NEK9: variants seen among roughly 807,000 people sequenced by gnomAD.
NEK9 encodes the protein NIMA related kinase 9, also known as serine/threonine-protein kinase Nek9.
A neutral mutation model predicts 123.4 loss-of-function variants in NEK9; 75 were observed. The observed-to-expected ratio is 0.61, with a 90% confidence interval of 0.50 to 0.74. The LOEUF (loss-of-function observed/expected upper bound fraction) is 0.74. Among genes scored for constraint, NEK9 ranks in the 30% least tolerant of loss-of-function variants. The pLI, the probability that NEK9 is intolerant of heterozygous loss-of-function variation, is 0.00. For synonymous variants in NEK9, 438 were observed against 458.7 expected (o/e 0.95, Z 0.58); for missense variants, 952 against 1,214.4 (o/e 0.78, Z 3.21).
In NEK9 at chr14:75,105,984, A is replaced by G; in HGVS notation, c.1541T>C (p.Leu514Ser). 1 of 1,613,704 alleles carries G rather than the reference A, an allele frequency of 6.2e-7. No individual in the cohort carries two copies. The highest frequency in any genetic ancestry group is 8.5e-7 in the Non-Finnish European group (1 of 1,179,582). The change falls in exon 13 of 22, where the codon TTG becomes TCG. Residue 514 changes from leucine (L) to serine (S), a missense_variant. This residue lies in a region of NEK9 where 698 missense variants were observed against 875.6 expected (regional missense o/e 0.80). Coordinates refer to ENST00000238616, the MANE Select transcript of NEK9 (RefSeq NM_033116.6). ...WGCGEYGRLG[L>S]DSEEDYYTPQ... ...TGTATAATAATCCTCTTCTGAATCC[A>G]AACCCAGTCGTCCTGAAACACACAT...
chr14:75,084,913 G>A (rs867601818), intron 21 of NEK9: 11 of 434,420 alleles, frequency 2.5e-5, no homozygotes, highest in East Asian at 8.0e-5. Flanking sequence ...CCAGGACTGC[G>A]GGGTTTCCTG....
intron 2 of NEK9, among the ~76,000 whole-genome samples, chr14:75,123,163 G>A (rs1299855668): frequency 1.3e-5 from 2 of 152,114 alleles, no homozygotes; most frequent in Non-Finnish European, 2.9e-5. Context: ...CACTTTGGGA[G>A]GCGGAGGTGG....
intron 21 of NEK9, 90 bp from the exon 22 acceptor site, chr14:75,084,776 A>G (rs536542639): frequency 3.3e-6 from 5 of 1,536,240 alleles, no homozygotes; most frequent in Non-Finnish European, 4.5e-6. Flanking sequence ...CCAACTTCTA[A>G]GGCATTGGCT....
At chr14:75,118,652 C>T (rs963432663) in intron 5 of NEK9, among the ~76,000 whole-genome samples, 178 bp downstream of exon 5, 3 of 152,148 alleles carry the variant, frequency 2.0e-5, no homozygotes. Context: ...AGAGCTGTAA[C>T]GTGGGCAATG....
At chr14:75,121,801 C>T (rs913368185) in intron 2 of NEK9, among the ~76,000 whole-genome samples, 8 of 152,002 alleles carry the variant, frequency 5.3e-5, no homozygotes, top group African/African-American at 1.2e-4. Context: ...GCCTGGGAGG[C>T]GGAGGTTGCA....
chr14:75,120,697 G>T, intron 3 of NEK9, 117 bp from the exon 4 acceptor site: 1 of 767,998 alleles, frequency 1.3e-6, no homozygotes, highest in South Asian at 1.7e-5. Context: ...GATTCAACAT[G>T]ACTTGACATC....
chr14:75,121,213 C>G, intron 2 of NEK9, 39 bp from the exon 3 acceptor site: 2 of 1,523,210 alleles, frequency 1.3e-6, no homozygotes, highest in Non-Finnish European at 1.8e-6. Flanking sequence ...TTGCTTAATA[C>G]AGATCAAAGC....
intron 15 of NEK9, 134 bp from the exon 16 acceptor site, chr14:75,101,287 G>A (rs1279583953): frequency 1.2e-5 from 11 of 936,436 alleles, no homozygotes; most frequent in South Asian, 5.2e-5. Context: ...ACATGATCCT[G>A]GACCTAGGAC....
Position 75,113,331 on chromosome 14 carries a change from T to C in NEK9, c.938+8A>G. 2 of 1,609,222 alleles carry C rather than the reference T, an allele frequency of 1.2e-6. No homozygotes were observed. The highest frequency in any genetic ancestry group is 8.5e-7 in the Non-Finnish European group (1 of 1,175,670). ...AAAAGACAATGGAGTGACTTCTTCA[T>C]AATTTACCTCCTGCGTTTCCTGAGA... On this transcript the variant is annotated splice_region_variant and intron_variant, in intron 8 of 21. Transcript: ENST00000238616.
At position 75,097,174 on chromosome 14, in the gene NEK9, G is replaced by A; in HGVS notation, c.2099C>T (p.Pro700Leu). The A allele has an allele frequency of 1.9e-6, 3 of 1,613,936 alleles. No homozygotes were observed. The highest frequency in any genetic ancestry group is 2.5e-6 in the Non-Finnish European group (3 of 1,179,894). The change falls in exon 17 of 22, where the codon CCT (proline) becomes CTT (leucine). Residue 700 changes from proline (P) to leucine (L), a missense_variant. Coordinates refer to ENST00000238616, the MANE Select transcript of NEK9 (RefSeq NM_033116.6). ...PHGSDICTSW[P>L]RPIFGSLHHV... The stretch of plus-strand genomic sequence containing the variant: ...ATGCAGAGATCCAAAAATAGGCCGA[G>A]GCCATGAGGTACAGATATCAGAGCC...
rs1273011500 is a variant in NEK9 at position 75,091,440 on chromosome 14, C to T, written c.2272G>A (p.Gly758Ser). The T allele has an allele frequency of 3.7e-6, 6 of 1,606,420 alleles. No individual in the cohort carries two copies. The highest frequency in any genetic ancestry group is 1.3e-5 in the African/African-American group (1 of 74,760). The change falls in exon 19 of 22, where the codon GGC (glycine) becomes AGC (serine). Residue 758 changes from glycine (G) to serine (S), a missense_variant. Coordinates refer to ENST00000238616, the MANE Select transcript of NEK9 (RefSeq NM_033116.6). ...SSSPGGGGGGGGGEEEDSQQE... is the reference protein window; with the variant it reads ...SSSPGGGGGGSGGEEEDSQQE... ...TGACTGTCCTCTTCTTCACCACCGC[C>T]GCCCCCGCCGCCTCCTCCCGGGCTA... is the stretch of plus-strand genomic sequence containing the variant.
At chr14:75,112,140 G>C (rs1894978191) in intron 8 of NEK9, among the ~76,000 whole-genome samples, 1 of 152,112 alleles carries the variant, frequency 6.6e-6, no homozygotes, top group African/African-American at 2.4e-5. Context: ...TAGAATAAAA[G>C]TACTGATGAA....
Position 75,079,692 on chromosome 14 carries a change from G to T in NEK9, c.*4872C>A, listed in dbSNP as rs1893812200. 1 of 152,204 alleles carries T rather than the reference G, an allele frequency of 6.6e-6. No individual in the cohort carries two copies. Among genetic ancestry groups the T allele is most frequent in the African/African-American group, 2.4e-5 (1 of 41,446 alleles). The allele number at this position is 152,204 out of a possible 1,614,324, so 9.4% of individuals were successfully genotyped here. A position where few individuals can be genotyped will look rare whatever the true frequency, so the allele number is the denominator to read the frequency against. On this transcript the variant is annotated 3_prime_UTR_variant, in exon 22 of 22. Transcript: ENST00000238616. ...ATCTCTTGAAAAACTGGAAGTTCTGGAAACACTGGGCCAGCAACCCGCATG... is the reference window on the plus strand; with the variant it reads ...ATCTCTTGAAAAACTGGAAGTTCTGTAAACACTGGGCCAGCAACCCGCATG...
rs1895025624 is a variant in NEK9, at chr14:75,113,527, A to G, written c.874-124T>C. On this transcript the variant is annotated intron_variant, in intron 7 of 21. Transcript: ENST00000238616. ...TTTTAAAAATCATTTCTTATGTGAT[A>G]CTCCATATTTTATGCTTCTCACCTC... 3 of 677,808 alleles carry G rather than the reference A, an allele frequency of 4.4e-6. No homozygotes were observed. In the South Asian group the frequency reaches 5.6e-5, roughly 13 times the overall value. 42.0% of individuals were successfully genotyped at this position (677,808 alleles called of 1,614,324 possible). A position where few individuals can be genotyped will look rare whatever the true frequency, so the allele number is the denominator to read the frequency against.
intron 17 of NEK9, 104 bp downstream of exon 17, chr14:75,096,996 C>G: frequency 8.8e-7 from 1 of 1,130,262 alleles, no homozygotes; most frequent in Middle Eastern, 2.6e-4. Flanking sequence ...ACAGAAATGG[C>G]TTCTTCAGGA....
chr14:75,096,463 G>A (rs1456384952), intron 17 of NEK9, among the ~76,000 whole-genome samples: 1 of 152,268 alleles, frequency 6.6e-6, no homozygotes, highest in Middle Eastern at 3.4e-3. Context: ...AGGATGTACT[G>A]AATGTTTCTC....
chr14:75,085,864 T>C (rs1335777535), intron 21 of NEK9, among the ~76,000 whole-genome samples: 4 of 152,082 alleles, frequency 2.6e-5, no homozygotes, highest in Non-Finnish European at 5.9e-5. Flanking sequence ...CACTCCAGCC[T>C]TGGTGACAAT....
At chr14:75,106,104 C>A in intron 12 of NEK9, 108 bp from the exon 13 acceptor site, 1 of 989,810 alleles carries the variant, frequency 1.0e-6, no homozygotes, top group South Asian at 1.3e-5. Flanking sequence ...ACCTGTAATC[C>A]CAGCACTTTG....
At chr14:75,115,012 C>T (rs986542751) in intron 6 of NEK9, among the ~76,000 whole-genome samples, 24 of 151,556 alleles carry the variant, frequency 1.6e-4, no homozygotes, top group African/African-American at 4.6e-4. Context: ...TACATATACA[C>T]ACACATATAT....
Sources: allele counts gnomAD v4.1 joint callset (sites outside exome capture counted in the v4.1 genomes callset), GRCh38; gene constraint gnomAD v4.1.1; regional missense constraint gnomAD v4.1.1; transcripts MANE v1.5; gene names NCBI Gene and HGNC (gene_info 2026-07-23, HGNC 2026-07-21).